The following MAST4 variants were observed in gnomAD, a reference collection of about 807,000 sequenced individuals.
MAST4 encodes the protein microtubule associated serine/threonine kinase family member 4, also known as microtubule-associated serine/threonine-protein kinase 4.
Under a neutral mutation model 162.7 loss-of-function variants are expected in MAST4, and 89 were observed. The ratio of observed to expected loss-of-function variants is 0.55; its 90% CI spans 0.46 to 0.65. MAST4 has a LOEUF of 0.65. MAST4 is among the 30% of genes least tolerant of loss of function. The probability of loss-of-function intolerance (pLI) is 0.00; values close to 1 mark genes in which losing one functional copy is unlikely to be tolerated. For missense variants in MAST4, 3,153 were observed against 3,374.0 expected (o/e 0.93, Z 1.62); for synonymous variants, 1,479 against 1,361.1 (o/e 1.09, Z -1.91).
chr5:66,654,636 T>C (rs1330867542), intron 1 of MAST4, among the ~76,000 whole-genome samples: 4 of 152,204 alleles, frequency 2.6e-5, no homozygotes, highest in Non-Finnish European at 5.9e-5. Context: ...AAATGAAGTT[T>C]AGAGGAAAGA....
intron 1 of MAST4, among the ~76,000 whole-genome samples, chr5:66,668,595 G>A (rs1266294704): frequency 2.6e-5 from 4 of 152,150 alleles, no homozygotes; most frequent in Non-Finnish European, 5.9e-5. Flanking sequence ...TCTGTAAAAT[G>A]GGAACAATAA....
chr5:67,153,627 C>A, intron 26 of MAST4, 47 bp downstream of exon 26: 1 of 1,524,232 alleles, frequency 6.6e-7, no homozygotes, highest in East Asian at 2.5e-5. Flanking sequence ...ACAGGCAGCC[C>A]AAAGGGGCTA....
At chr5:66,705,830 C>G (rs892987165) in intron 1 of MAST4, among the ~76,000 whole-genome samples, 1 of 152,120 alleles carries the variant, frequency 6.6e-6, no homozygotes, top group Non-Finnish European at 1.5e-5. Flanking sequence ...CTTTTGAATA[C>G]TTGCTATATG....
intron 3 of MAST4, among the ~76,000 whole-genome samples, chr5:66,799,269 A>G (rs950253952): frequency 2.0e-5 from 3 of 152,180 alleles, no homozygotes; most frequent in African/African-American, 7.2e-5. Flanking sequence ...TAGTGTACAC[A>G]CTGCCTCTTC....
chr5:67,139,552 C>G (rs1770106651), intron 19 of MAST4, among the ~76,000 whole-genome samples: 1 of 152,162 alleles, frequency 6.6e-6, no homozygotes, highest in Non-Finnish European at 1.5e-5. Context: ...TCTCAGTTTC[C>G]TAGTCTATGG....
rs549330672 is a variant in MAST4, at chr5:67,168,519, CTGT to C, written c.*1474_*1476del. 1.5e-4 allele frequency: 23 copies of C among 152,186 alleles called. No individual in the cohort carries two copies. The East Asian group carries it at 4.4e-3, about 29-fold the overall frequency. The allele number at this position is 152,186 out of a possible 1,614,324, so 9.4% of individuals were successfully genotyped here. A position where few individuals can be genotyped will look rare whatever the true frequency, so the allele number is the denominator to read the frequency against. On this transcript the variant is annotated 3_prime_UTR_variant, in exon 29 of 29. Transcript: ENST00000403625. ...GGTTTTTGATTTCTTGTTTTTGTTT[CTGT>C]TGTTGCAGTTTCTTTGGTGGCTTGT...
chr5:66,828,398 G>A (rs26382), intron 3 of MAST4, among the ~76,000 whole-genome samples: 76,004 of 151,930 alleles, frequency 0.5, 19,455 homozygotes, highest in East Asian at 0.68. Flanking sequence ...CACCATCCCA[G>A]TCAGCGGCTG....
chr5:66,698,135 C>T (rs1475086444), intron 1 of MAST4, among the ~76,000 whole-genome samples: 2 of 151,930 alleles, frequency 1.3e-5, no homozygotes, highest in Non-Finnish European at 2.9e-5. Flanking sequence ...AGTCTGGACT[C>T]CTGCAAAATC....
At chr5:67,132,063 C>A (rs1769038410) in intron 16 of MAST4, 112 bp downstream of exon 16, 3 of 1,204,188 alleles carry the variant, frequency 2.5e-6, no homozygotes, top group Admixed American at 2.3e-5. Context: ...TCCATAATGT[C>A]CAAAATGAGT....
intron 1 of MAST4, among the ~76,000 whole-genome samples, chr5:66,711,395 G>C (rs1379886121): frequency 6.6e-6 from 1 of 152,072 alleles, no homozygotes; most frequent in Admixed American, 6.6e-5. Flanking sequence ...CAATTTCCTC[G>C]ACTTTTCCAG....
chr5:67,167,262 TACAA>T lies in MAST4; in HGVS notation c.*213_*216del, dbSNP rs1251432175. On this transcript the variant is annotated 3_prime_UTR_variant, in exon 29 of 29. Transcript: ENST00000403625. Reference sequence around the variant, plus strand: ...TAAAACTGTTACCAGATAGTGTTTGTACAAAAAAAAAAAAAAAAAAAAAAAAAAA... The same window carrying T: ...TAAAACTGTTACCAGATAGTGTTTGTAAAAAAAAAAAAAAAAAAAAAAAAA... The T allele has an allele frequency of 9.1e-6, 1 of 109,566 alleles. No individual in the cohort carries two copies. The highest frequency in any genetic ancestry group is 9.9e-5 in the East Asian group (1 of 10,076). 6.8% of individuals were successfully genotyped at this position (109,566 alleles called of 1,614,324 possible). A position where few individuals can be genotyped will look rare whatever the true frequency, so the allele number is the denominator to read the frequency against.
chr5:66,646,252 A>C (rs188246256), intron 1 of MAST4, among the ~76,000 whole-genome samples: 121 of 130,416 alleles, frequency 9.3e-4, no homozygotes, highest in Admixed American at 2.4e-3. Flanking sequence ...ATATTTAAAA[A>C]AATGTTTTAT....
chr5:66,663,513 A>G (rs73108445), intron 1 of MAST4, among the ~76,000 whole-genome samples: 16,142 of 152,212 alleles, frequency 0.11, 1,054 homozygotes, highest in East Asian at 0.27. Context: ...TTGAGATGAT[A>G]GCATTTGAAT....
chr5:66,726,590 AC>A (rs1751534417), intron 1 of MAST4, among the ~76,000 whole-genome samples: 1 of 151,988 alleles, frequency 6.6e-6, no homozygotes, highest in South Asian at 2.1e-4. Context: ...TAAGTTGGGG[AC>A]TGACAGAGTC....
At chr5:66,723,176 C>T (rs1427401089) in intron 1 of MAST4, among the ~76,000 whole-genome samples, 1 of 152,100 alleles carries the variant, frequency 6.6e-6, no homozygotes, top group Non-Finnish European at 1.5e-5. Context: ...GCACCAGGAA[C>T]TTAGGTACCA....
At chr5:67,002,402 C>T (rs1452805664) in intron 4 of MAST4, among the ~76,000 whole-genome samples, 3 of 152,122 alleles carry the variant, frequency 2.0e-5, no homozygotes, top group African/African-American at 7.2e-5. Context: ...CCTATATAAA[C>T]TGAGGAGCTG....
intron 1 of MAST4, among the ~76,000 whole-genome samples, chr5:66,676,422 C>G (rs1212294937): frequency 6.6e-6 from 1 of 151,780 alleles, no homozygotes; most frequent in Non-Finnish European, 1.5e-5. Context: ...GTTACTTTCA[C>G]AGGTCTTAAG....
At chr5:66,866,965 T>C (rs36146) in intron 3 of MAST4, among the ~76,000 whole-genome samples, 82,629 of 151,884 alleles carry the variant, frequency 0.54, 23,735 homozygotes, top group Non-Finnish European at 0.64. Context: ...CTCCTCATAT[T>C]GCCCAGGCTG....
At chr5:66,679,872 C>T (rs891446084) in intron 1 of MAST4, among the ~76,000 whole-genome samples, 1 of 152,100 alleles carries the variant, frequency 6.6e-6, no homozygotes, top group African/African-American at 2.4e-5. Flanking sequence ...TGGAATTCAT[C>T]GTCCTTCAAA....
Sources: allele counts gnomAD v4.1 joint callset (sites outside exome capture counted in the v4.1 genomes callset), GRCh38; gene constraint gnomAD v4.1.1; transcripts MANE v1.5; gene names NCBI Gene and HGNC (gene_info 2026-07-23, HGNC 2026-07-21).